Variants in CDC42BPB observed in about 807,000 individuals in gnomAD.
The protein encoded by CDC42BPB is CDC42 binding protein kinase beta, also known as serine/threonine-protein kinase MRCK beta.
In CDC42BPB, 37 loss-of-function variants were observed where a neutral mutation model predicts 214.9. The observed-to-expected ratio is 0.17, with a 90% CI of 0.13 to 0.23. CDC42BPB has a LOEUF of 0.23. Ranked by LOEUF, CDC42BPB falls within the 10% of genes least tolerant of loss-of-function variation. The pLI is 1.00. For missense variants in CDC42BPB, 1,694 were observed against 2,227.0 expected, an observed-to-expected ratio of 0.76 and a Z score of 4.82; for synonymous variants, 931 against 884.0, an observed-to-expected ratio of 1.05 and a Z score of -0.94.
In CDC42BPB at chr14:103,056,982, T is replaced by A; in HGVS notation, c.175+17A>T. 7.2e-7 allele frequency: 1 copy of A among 1,396,918 alleles called. No individual in the cohort carries two copies. Among genetic ancestry groups the A allele is most frequent in the South Asian group, 1.5e-5 (1 of 67,376 alleles). 86.5% of individuals were successfully genotyped at this position (1,396,918 alleles called of 1,614,324 possible). ...GGTCGCAGAGCCGCAGGTCCGGCCC[T>A]GCCGGCGCGCACTTACCCCACTCGA... On this transcript the variant is annotated intron_variant, in intron 1 of 36. Coordinates refer to ENST00000361246, the MANE Select transcript of CDC42BPB (RefSeq NM_006035.4).
chr14:102,934,616 C>T (rs1199499864), intron 36 of CDC42BPB, among the ~76,000 whole-genome samples: 4 of 151,918 alleles, frequency 2.6e-5, no homozygotes, highest in Non-Finnish European at 4.4e-5. Context: ...GTCACAAACG[C>T]GACACTCTTT....
rs1209859583 is a variant in CDC42BPB, at chr14:103,057,021, G to A, written c.153C>T (p.Tyr51=). ...TACCCCACTCGAGGAACTCGGCCAC[G>A]TACTTGTCGCGGCGCAGGGCCGAGT... ...CSHSALRRDK[Y]VAEFLEWAKP... is the part of the protein sequence containing the mutation. The change falls in exon 1 of 37, where the codon TAC becomes TAT. Residue 51 remains tyrosine (Y), a synonymous_variant. Transcript: ENST00000361246. 4 of 1,495,228 alleles carry A rather than the reference G, an allele frequency of 2.7e-6. No individual in the cohort carries two copies. Among genetic ancestry groups the A allele is most frequent in the Admixed American group, 4.5e-5 (2 of 44,570 alleles). The allele number at this position is 1,495,228 out of a possible 1,614,324, so 92.6% of individuals were successfully genotyped here.
chr14:102,999,283 G>C (rs538939260), intron 5 of CDC42BPB, among the ~76,000 whole-genome samples: 1 of 152,026 alleles, frequency 6.6e-6, no homozygotes. Context: ...TAGGGAGGGG[G>C]TCTCAGACGG....
intron 26 of CDC42BPB, among the ~76,000 whole-genome samples, chr14:102,948,971 G>T (rs1892350565): frequency 6.6e-6 from 1 of 151,994 alleles, no homozygotes; most frequent in Admixed American, 6.6e-5. Context: ...CTGTCCTCAG[G>T]GTACCCACCC....
At chr14:102,956,478 C>CA in intron 21 of CDC42BPB, 1 of 967,186 alleles carries the variant, frequency 1.0e-6, no homozygotes, top group South Asian at 4.8e-5. Context: ...CTAACAGACC[C>CA]AGCCCCTGAT....
Position 102,986,011 on chromosome 14 carries a change from G to A in CDC42BPB, c.690+476C>T, listed in dbSNP as rs35451464. ...GCTGGCGGGAGTGTCAGCTGGCCCC[G>A]TAACACTGAGCACCTAGGACTCTAT... On this transcript the variant is annotated intron_variant, in intron 6 of 36. Transcript: ENST00000361246. Among the ~76,000 whole-genome samples the A allele has an allele frequency of 7.3e-4, 111 of 152,326 alleles. 1 individual carries two copies. The highest frequency in any genetic ancestry group is 2.3e-3 in the African/African-American group (94 of 41,572).
chr14:102,950,529 G>A lies in CDC42BPB; in HGVS notation c.3246C>T (p.Ser1082=). The A allele has an allele frequency of 6.2e-7, 1 of 1,613,022 alleles. No homozygotes were observed. The highest frequency in any genetic ancestry group is 2.2e-5 in the East Asian group (1 of 44,880). The change falls in exon 25 of 37, where the codon TCC becomes TCT. Residue 1082 remains serine, a synonymous_variant. Coordinates refer to ENST00000361246, the MANE Select transcript of CDC42BPB (RefSeq NM_006035.4). ...GCACGTCCACGCCCAGAGGCCTCTT[G>A]GACTGCTCGGGAGGTATTGGGCACA... The part of the protein sequence containing the change: ...PQVCPIPPEQ[S]KRPLGVDVQR...
chr14:103,051,871 G>A (rs1230107191), intron 1 of CDC42BPB, among the ~76,000 whole-genome samples: 3 of 151,924 alleles, frequency 2.0e-5, no homozygotes, highest in Non-Finnish European at 2.9e-5. Context: ...TTGGAGACAG[G>A]GTCTTGCTCT....
chr14:102,983,609 G>T lies in CDC42BPB; in HGVS notation c.838C>A (p.Pro280Thr). Reference protein sequence around the residue: ...CMYEMLYGETPFYAESLVETY... With the variant: ...CMYEMLYGETTFYAESLVETY... ...TCCACGAGTGACTCCGCATAAAACG[G>T]CGTTTCTCCATAGAGCATCTCATAC... The change falls in exon 7 of 37, where the codon CCG becomes ACG. Residue 280 changes from proline to threonine, a missense_variant. Coordinates refer to ENST00000361246, the MANE Select transcript of CDC42BPB (RefSeq NM_006035.4). 1 of 1,612,142 alleles carries T rather than the reference G, an allele frequency of 6.2e-7. No individual in the cohort carries two copies.
chr14:103,050,813 A>C (rs1888563266), intron 1 of CDC42BPB, among the ~76,000 whole-genome samples: 1 of 152,048 alleles, frequency 6.6e-6, no homozygotes, highest in Admixed American at 6.6e-5. Context: ...GCAATTTTGG[A>C]GGTCAGGGAA....
In CDC42BPB at chr14:102,974,321, G is replaced by C. The variant is rs1302651872; in HGVS notation, c.1508-172C>G. The C allele has an allele frequency of 1.1e-5, 10 of 902,840 alleles. No individual in the cohort carries two copies. The East Asian group carries it at 4.1e-4, about 37-fold the overall frequency. 55.9% of individuals were successfully genotyped at this position (902,840 alleles called of 1,614,324 possible). A position where few individuals can be genotyped will look rare whatever the true frequency, so the allele number is the denominator to read the frequency against. The stretch of plus-strand genomic sequence containing the variant: ...ACACACACACACACACACACACACA[G>C]TGTCATAGGCACAGCTACCTGCATG... On this transcript the variant is annotated intron_variant, in intron 11 of 36. Transcript: ENST00000361246.
intron 5 of CDC42BPB, among the ~76,000 whole-genome samples, chr14:102,991,778 T>C (rs1361061939): frequency 1.3e-5 from 2 of 152,204 alleles, no homozygotes; most frequent in East Asian, 3.8e-4. Flanking sequence ...ACTGAAATTT[T>C]TTAAGTTTGA....
At chr14:102,995,391 T>C (rs1894682164) in intron 5 of CDC42BPB, among the ~76,000 whole-genome samples, 1 of 152,206 alleles carries the variant, frequency 6.6e-6, no homozygotes, top group Admixed American at 6.5e-5. Flanking sequence ...GCCAGGCAGG[T>C]CTCAAACTCC....
chr14:102,995,943 C>G (rs1894709329), intron 5 of CDC42BPB, among the ~76,000 whole-genome samples: 1 of 152,202 alleles, frequency 6.6e-6, no homozygotes, highest in Non-Finnish European at 1.5e-5. Flanking sequence ...TCTGGGCACT[C>G]AGTCTGAATA....
chr14:102,973,588 G>A (rs567943476), intron 12 of CDC42BPB, among the ~76,000 whole-genome samples: 6 of 152,086 alleles, frequency 3.9e-5, no homozygotes, highest in South Asian at 2.1e-4. Flanking sequence ...GGGACGCAGC[G>A]TGTGTTGCCA....
At chr14:103,054,566 A>C (rs537075654) in intron 1 of CDC42BPB, among the ~76,000 whole-genome samples, 67 of 152,372 alleles carry the variant, frequency 4.4e-4, no homozygotes, top group African/African-American at 1.5e-3. Context: ...AAGCAACATT[A>C]AATACTAACT....
In CDC42BPB at chr14:103,048,532, C is replaced by CAAAAAAAA. The variant is rs71119751; in HGVS notation, c.175+8459_175+8466dup. On this transcript the variant is annotated intron_variant, in intron 1 of 36. Coordinates refer to ENST00000361246, the MANE Select transcript of CDC42BPB (RefSeq NM_006035.4). ...TGAAACCCTGTTTCTACTAAAAATA[C>CAAAAAAAA]AAAAAAAAAAAAAAAAAAAAAAAAA... is the stretch of plus-strand genomic sequence containing the variant. Among the ~76,000 whole-genome samples, 130 of 42,656 alleles carry CAAAAAAAA rather than the reference C, an allele frequency of 3.0e-3. 3 individuals carry two copies. The highest frequency in any genetic ancestry group is 4.5e-3 in the South Asian group (3 of 670). The allele number at this position is 42,656 out of a possible 152,430, so 28.0% of individuals were successfully genotyped here. A position where few individuals can be genotyped will look rare whatever the true frequency, so the allele number is the denominator to read the frequency against.
intron 28 of CDC42BPB, among the ~76,000 whole-genome samples, chr14:102,946,067 G>A (rs554362039): frequency 6.6e-6 from 1 of 152,304 alleles, no homozygotes; most frequent in East Asian, 1.9e-4. Context: ...GGAGTGCAGT[G>A]GTGTGATCTC....
Position 102,940,040 on chromosome 14 carries a change from G to T in CDC42BPB, c.4591+6C>A. The T allele has an allele frequency of 1.9e-6, 3 of 1,613,948 alleles. No individual in the cohort carries two copies. In the Admixed American group the frequency reaches 5.0e-5, roughly 27 times the overall value. On this transcript the variant is annotated splice_donor_region_variant and intron_variant, in intron 32 of 36. Transcript: ENST00000361246. ...CCCTCCACTCCCGGTGCAGAGGAAG[G>T]CTCACCCGAGAACTTGCTCTTGAAG...
Sources: gnomAD v4.1 joint callset for allele counts (sites outside exome capture counted in the v4.1 genomes callset) on GRCh38, gnomAD v4.1.1 for gene constraint, MANE v1.5 for transcripts, NCBI Gene and HGNC (gene_info 2026-07-23, HGNC 2026-07-21) for gene names.